The following TMEM54 variants were observed in gnomAD, a reference collection of about 807,000 sequenced individuals.
TMEM54 encodes the protein transmembrane protein 54.
A neutral mutation model predicts 21.3 loss-of-function variants in TMEM54; 21 were observed. The ratio of observed to expected loss-of-function variants is 0.99; its 90% CI spans 0.70 to 1.42. The LOEUF (loss-of-function observed/expected upper bound fraction) is 1.42. Ranked by LOEUF, TMEM54 falls within the 40% of genes most tolerant of loss-of-function variation. The pLI, the probability that TMEM54 is intolerant of heterozygous loss-of-function variation, is 0.00. For missense variants in TMEM54, 246 were observed against 294.0 expected (o/e 0.84, Z 1.19); for synonymous variants, 109 against 125.0 (o/e 0.87, Z 0.86).
At position 32,901,315 on chromosome 1, in the gene TMEM54, A is replaced by G; in HGVS notation, c.-77T>C. ...CGGGCCGCCGGGGGACCCTGCTCCC[A>G]TCCCGCTGGCCCGTCGCCCGCGCGC... On this transcript the variant is annotated 5_prime_UTR_variant, in exon 1 of 6. The change abolishes an upstream ATG in the 5' untranslated region. Coordinates refer to ENST00000373463, the MANE Select transcript of TMEM54 (RefSeq NM_033504.4). This position sits in a 1 kb window ranked among gnomAD's most constrained non-coding sequence, Gnocchi z 4.2. 1.6e-6 allele frequency: 2 copies of G among 1,215,256 alleles called. No individual in the cohort carries two copies. The highest frequency in any genetic ancestry group is 2.1e-6 in the Non-Finnish European group (2 of 968,508). 75.3% of individuals were successfully genotyped at this position (1,215,256 alleles called of 1,614,324 possible). A position where few individuals can be genotyped will look rare whatever the true frequency, so the allele number is the denominator to read the frequency against.
chr1:32,897,795 T>G lies in TMEM54; in HGVS notation c.210+331A>C. 1 of 220,738 alleles carries G rather than the reference T, an allele frequency of 4.5e-6. No individual in the cohort carries two copies. The highest frequency in any genetic ancestry group is 9.0e-6 in the Non-Finnish European group (1 of 110,568). 13.7% of individuals were successfully genotyped at this position (220,738 alleles called of 1,614,324 possible). A position where few individuals can be genotyped will look rare whatever the true frequency, so the allele number is the denominator to read the frequency against. On this transcript the variant is annotated intron_variant, in intron 2 of 5. Coordinates refer to ENST00000373463, the MANE Select transcript of TMEM54 (RefSeq NM_033504.4). This position sits in a 1 kb window ranked among gnomAD's most constrained non-coding sequence, Gnocchi z 4.9. ...GCTCACCTCCTGCTCCTTTCTTCTGTCCAGTGGTGCTGTGGCTATTCCTCG... is the reference window on the plus strand; with the variant it reads ...GCTCACCTCCTGCTCCTTTCTTCTGGCCAGTGGTGCTGTGGCTATTCCTCG...
chr1:32,895,521 G>A lies in TMEM54; in HGVS notation c.459+34C>T, dbSNP rs1198805130. 3 of 1,591,298 alleles carry A rather than the reference G, an allele frequency of 1.9e-6. No individual in the cohort carries two copies. The South Asian group carries it at 3.4e-5, about 18-fold the overall frequency. On this transcript the variant is annotated intron_variant, in intron 4 of 5. Transcript: ENST00000373463. The surrounding 1 kb of genome is among the most constrained non-coding windows in gnomAD (Gnocchi z 5.8). ...AAGAGCCCTTCCCACCCGTGCGAGG[G>A]CCTGGTGCCCCTACTCCAGGCCTAG...
chr1:32,895,183 G>GA lies in TMEM54; in HGVS notation c.594+121dup. ...AGGCCTCTCCCTTTGCTCCTGGGGA[G>GA]AAAACTTCTGCCCCATTTCTCAAGG... On this transcript the variant is annotated intron_variant, in intron 5 of 5. Transcript: ENST00000373463. This position sits in a 1 kb window ranked among gnomAD's most constrained non-coding sequence, Gnocchi z 5.8. 4 of 1,387,044 alleles carry GA rather than the reference G, an allele frequency of 2.9e-6. No individual in the cohort carries two copies. The highest frequency in any genetic ancestry group is 3.8e-6 in the Non-Finnish European group (4 of 1,039,158). 85.9% of individuals were successfully genotyped at this position (1,387,044 alleles called of 1,614,324 possible).
chr1:32,901,173 TG>T lies in TMEM54; in HGVS notation c.16+49del. 1 of 1,439,596 alleles carries T rather than the reference TG, an allele frequency of 6.9e-7. No homozygotes were observed. Among genetic ancestry groups the T allele is most frequent in the Non-Finnish European group, 9.3e-7 (1 of 1,079,592 alleles). The allele number at this position is 1,439,596 out of a possible 1,614,324, so 89.2% of individuals were successfully genotyped here. ...TTCCGGGCTCAGTGCTCCGCTCCTG[TG>T]GGAGGGTTGGGGTGGTTCGGGGCCT... On this transcript the variant is annotated intron_variant, in intron 1 of 5. Coordinates refer to ENST00000373463, the MANE Select transcript of TMEM54 (RefSeq NM_033504.4). This position sits in a 1 kb window ranked among gnomAD's most constrained non-coding sequence, Gnocchi z 4.2.
chr1:32,898,500 G>T, intron 1 of TMEM54, 181 bp from the exon 2 acceptor site: 1 of 542,174 alleles, frequency 1.8e-6, no homozygotes. Flanking sequence ...GGTTCGGGAT[G>T]CCTTTGTGAG....
chr1:32,899,370 A>AATACCG (rs1641673111), intron 1 of TMEM54, among the ~76,000 whole-genome samples: 1 of 150,188 alleles, frequency 6.7e-6, no homozygotes, highest in East Asian at 2.0e-4. Context: ...GTCATATTTA[A>AATACCG]TATACGGTAG....
intron 5 of TMEM54, 43 bp from the exon 6 acceptor site, chr1:32,894,922 C>G (rs765800514): frequency 6.3e-7 from 1 of 1,596,154 alleles, no homozygotes; most frequent in East Asian, 2.3e-5. Context: ...GGTTCTCAGC[C>G]TGGGTCTCCT....
chr1:32,895,530 C>T lies in TMEM54; in HGVS notation c.459+25G>A. 6.3e-7 allele frequency: 1 copy of T among 1,590,744 alleles called. No homozygotes were observed. The highest frequency in any genetic ancestry group is 8.6e-7 in the Non-Finnish European group (1 of 1,166,840). On this transcript the variant is annotated intron_variant, in intron 4 of 5. Transcript: ENST00000373463. This position sits in a 1 kb window ranked among gnomAD's most constrained non-coding sequence, Gnocchi z 5.8. Reference sequence around the variant, plus strand: ...TCCCACCCGTGCGAGGGCCTGGTGCCCCTACTCCAGGCCTAGGTACTCACA... The same window carrying T: ...TCCCACCCGTGCGAGGGCCTGGTGCTCCTACTCCAGGCCTAGGTACTCACA...
Position 32,895,584 on chromosome 1 carries a change from C to G in TMEM54, c.430G>C (p.Asp144His), listed in dbSNP as rs1641571813. The G allele has an allele frequency of 6.3e-7, 1 of 1,587,476 alleles. No homozygotes were observed. Among genetic ancestry groups the G allele is most frequent in the Non-Finnish European group, 8.6e-7 (1 of 1,166,952 alleles). ...ATGCGTGTGGGGTCGAAGGGACAGT[C>G]AGGTGCGAGGGCCAGTAGTTCAGAG... ...GSSELLALAP[D>H]CPFDPTRIYS... is the part of the protein sequence containing the mutation. The change falls in exon 4 of 6, where the codon GAC (aspartate) becomes CAC (histidine). Residue 144 changes from aspartate (D) to histidine (H), a missense_variant. Transcript: ENST00000373463. The surrounding 1 kb of genome is among the most constrained non-coding windows in gnomAD (Gnocchi z 5.8).
Position 32,898,210 on chromosome 1 carries a change from C to T in TMEM54, c.126G>A (p.Val42=). ...FITAALFHGT[V]LRYVGTPQDA... The stretch of plus-strand genomic sequence containing the variant: ...CTTGAGGGGTGCCCACGTAGCGCAG[C>T]ACTGTGCCATGGAACAGGGCAGCTG... The change falls in exon 2 of 6, where the codon GTG becomes GTA. Residue 42 remains valine (V), a synonymous_variant. Transcript: ENST00000373463. 6.2e-7 allele frequency: 1 copy of T among 1,613,690 alleles called. No homozygotes were observed. Among genetic ancestry groups the T allele is most frequent in the Non-Finnish European group, 8.5e-7 (1 of 1,179,626 alleles).
In TMEM54 at chr1:32,895,005, C is replaced by G; in HGVS notation, c.595-126G>C. On this transcript the variant is annotated intron_variant, in intron 5 of 5. Transcript: ENST00000373463. The surrounding 1 kb of genome is among the most constrained non-coding windows in gnomAD (Gnocchi z 5.8). ...TCTGGGGGCAAAGGGGCATCACTAC[C>G]CACTCCACTGCAAGAGCCAGGCCTG... is the stretch of plus-strand genomic sequence containing the variant. The G allele has an allele frequency of 6.8e-7, 1 of 1,478,738 alleles. No individual in the cohort carries two copies. Among genetic ancestry groups the G allele is most frequent in the Non-Finnish European group, 9.0e-7 (1 of 1,106,330 alleles). 91.6% of individuals were successfully genotyped at this position (1,478,738 alleles called of 1,614,324 possible).
At position 32,895,715 on chromosome 1, in the gene TMEM54, G is replaced by C. The variant is rs1013296588; in HGVS notation, c.299C>G (p.Ala100Gly). 16 of 1,558,644 alleles carry C rather than the reference G, an allele frequency of 1.0e-5. No individual in the cohort carries two copies. In the Admixed American group the frequency reaches 1.4e-4, roughly 13 times the overall value. ...LRWTVFSSSVACALLSLTCAL... is the reference protein window; with the variant it reads ...LRWTVFSSSVGCALLSLTCAL... ...ACAGGTCAGAGAAAGGAGAGCACAG[G>C]CCACGCTCGAGCTAAACACTGTCCA... Residue 100 changes from alanine to glycine, a missense_variant, in exon 4 of 6, where the codon GCC becomes GGC. By Grantham distance (60) the Ala-to-Gly change is moderately conservative. Transcript: ENST00000373463. The surrounding 1 kb of genome is among the most constrained non-coding windows in gnomAD (Gnocchi z 5.8).
rs144061916 is a variant in TMEM54 at position 32,896,591 on chromosome 1, C to A, written c.211-622G>T. On this transcript the variant is annotated intron_variant, in intron 2 of 5. Coordinates refer to ENST00000373463, the MANE Select transcript of TMEM54 (RefSeq NM_033504.4). This position sits in a 1 kb window ranked among gnomAD's most constrained non-coding sequence, Gnocchi z 4.1. ...TCTGCCCGTGTGGATCCTGCAAGCC[C>A]TGCTCAGGTTTGCACACGTTTCCCT... 4.5e-4 allele frequency among the ~76,000 whole-genome samples: 69 copies of A among 152,316 alleles called. No homozygotes were observed. The highest frequency in any genetic ancestry group is 8.7e-4 in the Non-Finnish European group (59 of 68,020).
Position 32,897,956 on chromosome 1 carries a change from T to C in TMEM54, c.210+170A>G, listed in dbSNP as rs911048860. On this transcript the variant is annotated intron_variant, in intron 2 of 5. Transcript: ENST00000373463. This position sits in a 1 kb window ranked among gnomAD's most constrained non-coding sequence, Gnocchi z 4.9. ...GAGGTAAACACTGTTACCATCTCCA[T>C]TTGATAGATGAAGAAGTTGAGTGAC... 7 of 603,908 alleles carry C rather than the reference T, an allele frequency of 1.2e-5. No individual in the cohort carries two copies. The highest frequency in any genetic ancestry group is 2.1e-5 in the Non-Finnish European group (7 of 338,804). The allele number at this position is 603,908 out of a possible 1,614,324, so 37.4% of individuals were successfully genotyped here.
In TMEM54 at chr1:32,901,118, G is replaced by A; in HGVS notation, c.16+105C>T. 2.5e-6 allele frequency: 3 copies of A among 1,214,452 alleles called. No individual in the cohort carries two copies. Among genetic ancestry groups the A allele is most frequent in the Non-Finnish European group, 3.2e-6 (3 of 930,028 alleles). The allele number at this position is 1,214,452 out of a possible 1,614,324, so 75.2% of individuals were successfully genotyped here. The stretch of plus-strand genomic sequence containing the variant: ...GGCCTCGTAGTAAGTTAGAGGCAGA[G>A]CAGGTGGCCTGGCCCCCTGGGGGCT... On this transcript the variant is annotated intron_variant, in intron 1 of 5. Coordinates refer to ENST00000373463, the MANE Select transcript of TMEM54 (RefSeq NM_033504.4). This position sits in a 1 kb window ranked among gnomAD's most constrained non-coding sequence, Gnocchi z 4.2.
rs1641569724 is a variant in TMEM54, at chr1:32,895,538, C to T, written c.459+17G>A. On this transcript the variant is annotated intron_variant, in intron 4 of 5. Coordinates refer to ENST00000373463, the MANE Select transcript of TMEM54 (RefSeq NM_033504.4). This position sits in a 1 kb window ranked among gnomAD's most constrained non-coding sequence, Gnocchi z 5.8. ...GTGCGAGGGCCTGGTGCCCCTACTC[C>T]AGGCCTAGGTACTCACATAAATGCG... 6.3e-7 allele frequency: 1 copy of T among 1,590,582 alleles called. No homozygotes were observed. Among genetic ancestry groups the T allele is most frequent in the East Asian group, 2.3e-5 (1 of 44,096 alleles).
In TMEM54 at chr1:32,895,933, G is replaced by GT. The variant is rs1557545359; in HGVS notation, c.246dup (p.Arg83ThrfsTer5). The GT allele has an allele frequency of 6.2e-7, 1 of 1,613,430 alleles. No individual in the cohort carries two copies. The highest frequency in any genetic ancestry group is 1.1e-5 in the South Asian group (1 of 90,936). ...ACCAGGGGGGTGCTAGGGAGGTAGC[G>GT]TGACAACACGATGGCTGCGATGCCT... On this transcript the variant is annotated frameshift_variant, in exon 3 of 6. Transcript: ENST00000373463. LOFTEE classifies it high-confidence loss of function. This position sits in a 1 kb window ranked among gnomAD's most constrained non-coding sequence, Gnocchi z 5.8.
At chr1:32,898,356 C>A in intron 1 of TMEM54, 37 bp from the exon 2 acceptor site, 1 of 1,558,054 alleles carries the variant, frequency 6.4e-7, no homozygotes, top group Non-Finnish European at 8.8e-7. Flanking sequence ...GTGCGTGGGG[C>A]TTATCCTGCT....
At chr1:32,894,918 C>T in intron 5 of TMEM54, 39 bp from the exon 6 acceptor site, 2 of 1,597,158 alleles carry the variant, frequency 1.3e-6, no homozygotes, top group Non-Finnish European at 1.7e-6. Context: ...CACTGGTTCT[C>T]AGCCTGGGTC....
Sources: gnomAD v4.1 joint callset for allele counts (sites outside exome capture counted in the v4.1 genomes callset) on GRCh38, gnomAD v4.1.1 for gene constraint, Gnocchi (gnomAD v3.1) non-coding constraint, MANE v1.5 for transcripts, NCBI Gene and HGNC (gene_info 2026-07-23, HGNC 2026-07-21) for gene names.